The following AKAP10 variants were observed in gnomAD, a reference collection of about 807,000 sequenced individuals.
AKAP10 encodes the protein A-kinase anchoring protein 10.
In AKAP10, 24 loss-of-function variants were observed where a neutral mutation model predicts 80.8. That is an observed-to-expected ratio of 0.30 (90% CI 0.22 to 0.42). The LOEUF (loss-of-function observed/expected upper bound fraction) is 0.42. Among genes scored for constraint, AKAP10 ranks in the 10% least tolerant of loss-of-function variants. AKAP10 has a pLI of 1.00. For missense variants in AKAP10, 661 were observed against 794.9 expected (o/e 0.83, Z 2.03); for synonymous variants, 291 against 277.7 (o/e 1.05, Z -0.48).
Position 19,958,054 on chromosome 17 carries a change from G to A in AKAP10, c.837C>T (p.Pro279=), listed in dbSNP as rs139536267. The A allele has an allele frequency of 3.0e-5, 49 of 1,613,348 alleles. No individual in the cohort carries two copies. The African/African-American group carries it at 3.5e-4, about 11-fold the overall frequency. Residue 279 remains proline (P), a synonymous_variant, in exon 4 of 15, where the codon CCC becomes CCT. Coordinates refer to ENST00000225737, the MANE Select transcript of AKAP10 (RefSeq NM_007202.4). The part of the protein sequence containing the change: ...STLTVASRNS[P]ASPLKELSGK... ...CTGACAATTCTTTTAGTGGAGAAGC[G>A]GGACTATTTCTACTGGCTACTGTAA...
At chr17:19,956,239 AG>A (rs2043274144) in intron 4 of AKAP10, among the ~76,000 whole-genome samples, 1 of 152,206 alleles carries the variant, frequency 6.6e-6, no homozygotes, top group Non-Finnish European at 1.5e-5. Context: ...CCCAGGCCCC[AG>A]GTGCATGGCA....
rs140395740 is a variant in AKAP10 at position 19,905,528 on chromosome 17, C to T, written c.*699G>A. ...ATGCTCAAAGTAAACCAGATTCACA[C>T]CCTTCTGTTAGCAGGGGAGAGAATG... is the stretch of plus-strand genomic sequence containing the variant. On this transcript the variant is annotated 3_prime_UTR_variant, in exon 15 of 15. Transcript: ENST00000225737. 2.0e-5 allele frequency: 3 copies of T among 152,678 alleles called. No individual in the cohort carries two copies. Among genetic ancestry groups the T allele is most frequent in the Non-Finnish European group, 4.4e-5 (3 of 68,032 alleles). The allele number at this position is 152,678 out of a possible 1,614,324, so 9.5% of individuals were successfully genotyped here. A position where few individuals can be genotyped will look rare whatever the true frequency, so the allele number is the denominator to read the frequency against.
At chr17:19,920,887 C>CAAAAAAAAAAAAAAAAAAAAAAAAAAAA (rs2042805303) in intron 11 of AKAP10, among the ~76,000 whole-genome samples, 1 of 66,866 alleles carries the variant, frequency 1.5e-5, no homozygotes, top group African/African-American at 6.3e-5. Context: ...AAAAAAAAAG[C>CAAAAAAAAAAAAAAAAAAAAAAAAAAAA]AAAAAATACA....
chr17:19,938,095 T>A (rs1272365810), intron 8 of AKAP10, among the ~76,000 whole-genome samples: 1 of 151,676 alleles, frequency 6.6e-6, no homozygotes, highest in East Asian at 1.9e-4. Context: ...CAGTTAATTT[T>A]TTGTAGTTTC....
intron 5 of AKAP10, among the ~76,000 whole-genome samples, chr17:19,946,275 ATTTTTTTTTTTTT>A (rs71157846): frequency 7.0e-4 from 9 of 12,944 alleles, no homozygotes; most frequent in South Asian, 3.4e-3. Context: ...ATATATATAT[ATTTTTTTTTTTTT>A]TTTTTTTTTT....
intron 2 of AKAP10, among the ~76,000 whole-genome samples, chr17:19,966,166 A>G (rs2043416261): frequency 6.6e-6 from 1 of 152,208 alleles, no homozygotes; most frequent in African/African-American, 2.4e-5. Flanking sequence ...AACTGAACAT[A>G]TAATTTCCTG....
chr17:19,930,018 A>C (rs1174703083), intron 10 of AKAP10, among the ~76,000 whole-genome samples: 2 of 151,672 alleles, frequency 1.3e-5, no homozygotes, highest in Non-Finnish European at 2.9e-5. Flanking sequence ...AAAAAAAAAA[A>C]ACCAAGACAT....
At position 19,934,065 on chromosome 17, in the gene AKAP10, G is replaced by A. The variant is rs369029872; in HGVS notation, c.1468-2087C>T. Reference sequence around the variant, plus strand: ...GCCTCCTAAGTAGCTGGGATTACAGGCATGCACCACCACGCCCGGCTAATT... The same window carrying A: ...GCCTCCTAAGTAGCTGGGATTACAGACATGCACCACCACGCCCGGCTAATT... On this transcript the variant is annotated intron_variant, in intron 9 of 14. Coordinates refer to ENST00000225737, the MANE Select transcript of AKAP10 (RefSeq NM_007202.4). Among the ~76,000 whole-genome samples, 41 of 152,172 alleles carry A rather than the reference G, an allele frequency of 2.7e-4. No individual in the cohort carries two copies. In the East Asian group the frequency reaches 7.2e-3, roughly 27 times the overall value.
intron 7 of AKAP10, among the ~76,000 whole-genome samples, chr17:19,940,122 C>G (rs2043036869): frequency 6.6e-6 from 1 of 152,172 alleles, no homozygotes. Context: ...TTATACTAAA[C>G]TGGATTTGTG....
intron 2 of AKAP10, among the ~76,000 whole-genome samples, chr17:19,966,679 T>C (rs2043423590): frequency 3.3e-5 from 5 of 152,184 alleles, no homozygotes; most frequent in Non-Finnish European, 5.9e-5. Flanking sequence ...CCAGTAGAGA[T>C]TTAGAAATTA....
Position 19,931,862 on chromosome 17 carries a change from G to T in AKAP10, c.1584C>A (p.Gly528=), listed in dbSNP as rs551274645. ...LGGNVSLTAP[G]SVGPPDESHP... is the part of the protein sequence containing the mutation. ...GAGACTCATCAGGAGGGCCAACAGA[G>T]CCAGGAGCAGTCAGCGACACGTTCC... Residue 528 remains glycine (G), a synonymous_variant, in exon 10 of 15, where the codon GGC becomes GGA. Coordinates refer to ENST00000225737, the MANE Select transcript of AKAP10 (RefSeq NM_007202.4). 1.2e-6 allele frequency: 2 copies of T among 1,614,142 alleles called. No individual in the cohort carries two copies. The highest frequency in any genetic ancestry group is 3.3e-5 in the Admixed American group (2 of 60,018).
At chr17:19,917,038 G>A (rs2042752121) in intron 12 of AKAP10, among the ~76,000 whole-genome samples, 1 of 151,982 alleles carries the variant, frequency 6.6e-6, no homozygotes, top group African/African-American at 2.4e-5. Context: ...GCAGAGGCGA[G>A]CGGATCACGA....
chr17:19,912,739 C>T (rs1282329598), intron 12 of AKAP10, among the ~76,000 whole-genome samples: 2 of 152,100 alleles, frequency 1.3e-5, no homozygotes, highest in Non-Finnish European at 2.9e-5. Context: ...GTCTTTTCCT[C>T]TGTGCTCTAT....
intron 4 of AKAP10, among the ~76,000 whole-genome samples, chr17:19,949,414 A>ATT (rs1377572318): frequency 6.6e-6 from 1 of 152,114 alleles, no homozygotes; most frequent in African/African-American, 2.4e-5. Context: ...AACAATAACA[A>ATT]AACTAACATT....
intron 12 of AKAP10, 59 bp from the exon 13 acceptor site, chr17:19,910,037 CTCT>C: frequency 6.4e-7 from 1 of 1,559,334 alleles, no homozygotes; most frequent in South Asian, 1.1e-5. Context: ...ATTAAAAATG[CTCT>C]TATTTGGCTG....
chr17:19,909,914 G>C lies in AKAP10; in HGVS notation c.1887+12C>G, dbSNP rs763908108. The C allele has an allele frequency of 1.7e-5, 27 of 1,612,066 alleles. No homozygotes were observed. The South Asian group carries it at 2.5e-4, about 15-fold the overall frequency. ...TAAACAGAAATCTTTTTATCCTAAA[G>C]GTAGGATTTACCTCATCAGTATTTC... On this transcript the variant is annotated intron_variant, in intron 13 of 14. Transcript: ENST00000225737.
chr17:19,959,665 A>T lies in AKAP10; in HGVS notation c.320-1094T>A, dbSNP rs190959987. 4.7e-4 allele frequency among the ~76,000 whole-genome samples: 71 copies of T among 152,278 alleles called. No individual in the cohort carries two copies. In the East Asian group the frequency reaches 9.4e-3, roughly 20 times the overall value. ...AGCTAATTGTTAGGAAAGACAAAAA[A>T]TTTTTTTAAAAATTGGCTTTCATAG... On this transcript the variant is annotated intron_variant, in intron 3 of 14. Coordinates refer to ENST00000225737, the MANE Select transcript of AKAP10 (RefSeq NM_007202.4).
chr17:19,921,015 C>G (rs2042807734), intron 11 of AKAP10, among the ~76,000 whole-genome samples: 1 of 143,702 alleles, frequency 7.0e-6, no homozygotes, highest in Admixed American at 7.1e-5. Context: ...AGAATTTTAA[C>G]AAGTCACTAA....
intron 12 of AKAP10, among the ~76,000 whole-genome samples, chr17:19,913,141 G>T (rs1180206120): frequency 7.0e-6 from 1 of 143,452 alleles, no homozygotes; most frequent in Middle Eastern, 3.4e-3. Context: ...CCGCCACCAC[G>T]CCTGGCTAAT....
Sources: allele counts gnomAD v4.1 joint callset (sites outside exome capture counted in the v4.1 genomes callset), GRCh38; gene constraint gnomAD v4.1.1; transcripts MANE v1.5; gene names NCBI Gene and HGNC (gene_info 2026-07-23, HGNC 2026-07-21).